SGSM2: variants seen among roughly 807,000 people sequenced by gnomAD.
SGSM2 encodes RUN and TBC1 domain containing 1.
In SGSM2, 89 loss-of-function variants were observed where a neutral mutation model predicts 126.6. The observed-to-expected ratio is 0.70, with a 90% CI of 0.59 to 0.84. The LOEUF is 0.84. Among genes scored for constraint, SGSM2 ranks in the 40% least tolerant of loss-of-function variants. The probability of loss-of-function intolerance (pLI) is 0.00; values close to 1 mark genes in which losing one functional copy is unlikely to be tolerated. For missense variants in SGSM2, 1,404 were observed against 1,416.6 expected, an observed-to-expected ratio of 0.99 and a Z score of 0.14; for synonymous variants, 614 against 574.3, an observed-to-expected ratio of 1.07 and a Z score of -0.99.
intron 1 of SGSM2, among the ~76,000 whole-genome samples, chr17:2,341,719 C>A (rs995131525): frequency 2.0e-5 from 3 of 152,226 alleles, no homozygotes; most frequent in African/African-American, 7.2e-5. Flanking sequence ...AGGACATCAA[C>A]AGAGTTTGGG....
chr17:2,361,738 T>C lies in SGSM2; in HGVS notation c.235T>C (p.Cys79Arg). The C allele has an allele frequency of 6.2e-7, 1 of 1,613,864 alleles. No individual in the cohort carries two copies. The highest frequency in any genetic ancestry group is 1.1e-5 in the South Asian group (1 of 91,086). Reference protein sequence around the residue: ...AALFTKVGKTCPVAGEICHKV... With the variant: ...AALFTKVGKTRPVAGEICHKV... Reference sequence around the variant, plus strand: ...CCTGTTCACCAAGGTGGGGAAGACGTGCCCAGTGGCGGGGGAGATTTGCCA... The same window carrying C: ...CCTGTTCACCAAGGTGGGGAAGACGCGCCCAGTGGCGGGGGAGATTTGCCA... The change falls in exon 3 of 24, where the codon TGC becomes CGC. Residue 79 changes from cysteine to arginine, a missense_variant. By Grantham distance (180) the Cys-to-Arg change is radical. Transcript: ENST00000268989.
chr17:2,375,424 C>G, intron 17 of SGSM2, 68 bp from the exon 18 acceptor site: 1 of 1,530,654 alleles, frequency 6.5e-7, no homozygotes, highest in East Asian at 2.3e-5. Context: ...CCCTTCTGGC[C>G]CGAGGAGGCG....
chr17:2,339,501 G>T lies in SGSM2; in HGVS notation c.57+1756G>T, dbSNP rs1597292982. On this transcript the variant is annotated intron_variant, in intron 1 of 23. Coordinates refer to ENST00000268989, the MANE Select transcript of SGSM2 (RefSeq NM_014853.3). ...GCACTTTGGGAGGCTGGGACGGGCG[G>T]ATCACGAGGTCAGGAGATCGAGACC... 2.6e-5 allele frequency among the ~76,000 whole-genome samples: 4 copies of T among 151,970 alleles called. No homozygotes were observed. The South Asian group carries it at 8.3e-4, about 32-fold the overall frequency.
At position 2,363,362 on chromosome 17, in the gene SGSM2, C is replaced by A. The variant is rs1477936503; in HGVS notation, c.673-103C>A. 1.3e-6 allele frequency: 2 copies of A among 1,552,376 alleles called. No homozygotes were observed. The highest frequency in any genetic ancestry group is 1.8e-5 in the Admixed American group (1 of 55,166). ...TGGGAGTAAACCGGGGCAGGAAGGACCCCTGGGGTCAGCTGGAGAGGGTCA... is the reference window on the plus strand; with the variant it reads ...TGGGAGTAAACCGGGGCAGGAAGGAACCCTGGGGTCAGCTGGAGAGGGTCA... On this transcript the variant is annotated intron_variant, in intron 6 of 23. Transcript: ENST00000268989. The surrounding 1 kb of genome is among the most constrained non-coding windows in gnomAD (Gnocchi z 4.2).
intron 2 of SGSM2, among the ~76,000 whole-genome samples, chr17:2,349,713 G>A (rs564754465): frequency 1.3e-5 from 2 of 152,172 alleles, no homozygotes; most frequent in East Asian, 3.9e-4. Context: ...TTGAAGCTGG[G>A]TAATGAGTAC....
chr17:2,353,406 TATTATA>T, intron 2 of SGSM2, among the ~76,000 whole-genome samples: 1 of 152,264 alleles, frequency 6.6e-6, no homozygotes, highest in South Asian at 2.1e-4. Flanking sequence ...CCCACTCAAT[TATTATA>T]ATTAATTTTG....
chr17:2,371,611 C>T (rs1313372262), intron 13 of SGSM2, 196 bp downstream of exon 13: 17 of 614,688 alleles, frequency 2.8e-5, no homozygotes, highest in Non-Finnish European at 4.3e-5. Flanking sequence ...GTTTCTGAAC[C>T]TCAGTTTCCT....
chr17:2,356,874 A>G (rs12950673), intron 2 of SGSM2, among the ~76,000 whole-genome samples: 6 of 45,574 alleles, frequency 1.3e-4, no homozygotes, highest in South Asian at 1.0e-3. Flanking sequence ...GGGTGTAAGG[A>G]TTGGGGAAGG....
At chr17:2,338,791 C>A (rs1462622249) in intron 1 of SGSM2, among the ~76,000 whole-genome samples, 2 of 75,360 alleles carry the variant, frequency 2.7e-5, no homozygotes, top group Non-Finnish European at 2.6e-5. Context: ...ATATATATAA[C>A]CTCACGCCTG....
At chr17:2,375,327 TG>T in intron 17 of SGSM2, 164 bp from the exon 18 acceptor site, 2 of 798,412 alleles carry the variant, frequency 2.5e-6, no homozygotes, top group Non-Finnish European at 3.8e-6. Context: ...CCTGGCTGGC[TG>T]GGTCAGAAGC....
At chr17:2,350,465 C>T (rs2064796959) in intron 2 of SGSM2, among the ~76,000 whole-genome samples, 1 of 151,540 alleles carries the variant, frequency 6.6e-6, no homozygotes, top group South Asian at 2.1e-4. Context: ...CAAAAATGTG[C>T]CGGGTGTGGT....
In SGSM2 at chr17:2,365,211, A is replaced by T; in HGVS notation, c.1162-4A>T. 1 of 1,608,562 alleles carries T rather than the reference A, an allele frequency of 6.2e-7. No individual in the cohort carries two copies. Among genetic ancestry groups the T allele is most frequent in the Non-Finnish European group, 8.5e-7 (1 of 1,176,368 alleles). ...AGCCCGACCACCTACCCCTCCTTCCACAGGGGAAAGTGTTCCCCAAGCTAC... is the reference window on the plus strand; with the variant it reads ...AGCCCGACCACCTACCCCTCCTTCCTCAGGGGAAAGTGTTCCCCAAGCTAC... On this transcript the variant is annotated splice_region_variant and splice_polypyrimidine_tract_variant and intron_variant, in intron 10 of 23. Transcript: ENST00000268989.
In SGSM2 at chr17:2,364,043, G is replaced by C. The variant is rs377014081; in HGVS notation, c.808-16G>C. Reference sequence around the variant, plus strand: ...TCAGCCCTTCATCGTCGGTCTTCCGGTGTCTCCCGCTGTAGAAGGAGGATA... The same window carrying C: ...TCAGCCCTTCATCGTCGGTCTTCCGCTGTCTCCCGCTGTAGAAGGAGGATA... On this transcript the variant is annotated splice_polypyrimidine_tract_variant and intron_variant, in intron 7 of 23. Transcript: ENST00000268989. 1 of 1,613,916 alleles carries C rather than the reference G, an allele frequency of 6.2e-7. No homozygotes were observed. The highest frequency in any genetic ancestry group is 8.5e-7 in the Non-Finnish European group (1 of 1,179,978).
rs549877392 is a variant in SGSM2 at position 2,372,529 on chromosome 17, G to A, written c.1788+41G>A. Reference sequence around the variant, plus strand: ...TTCCAGGGCCACAGGTCGAGGGGCTGGGGCGGGCAGGAGTGAGGGCTTCAG... The same window carrying A: ...TTCCAGGGCCACAGGTCGAGGGGCTAGGGCGGGCAGGAGTGAGGGCTTCAG... On this transcript the variant is annotated intron_variant, in intron 15 of 23. Transcript: ENST00000268989. The surrounding 1 kb of genome is among the most constrained non-coding windows in gnomAD (Gnocchi z 6.0). 1.5e-5 allele frequency: 23 copies of A among 1,585,720 alleles called. No homozygotes were observed. The African/African-American group carries it at 1.9e-4, about 13-fold the overall frequency.
intron 2 of SGSM2, among the ~76,000 whole-genome samples, chr17:2,354,227 T>TTTTTGTTTG (rs1269929223): frequency 6.6e-6 from 1 of 152,032 alleles, no homozygotes. Context: ...TTGTTTGTTT[T>TTTTTGTTTG]TTAGTAGAGA....
At position 2,362,289 on chromosome 17, in the gene SGSM2, A is replaced by G. The variant is rs754751465; in HGVS notation, c.458+19A>G. 2 of 1,590,988 alleles carry G rather than the reference A, an allele frequency of 1.3e-6. No individual in the cohort carries two copies. Among genetic ancestry groups the G allele is most frequent in the Non-Finnish European group, 1.7e-6 (2 of 1,169,192 alleles). On this transcript the variant is annotated intron_variant, in intron 4 of 23. Transcript: ENST00000268989. The surrounding 1 kb of genome is among the most constrained non-coding windows in gnomAD (Gnocchi z 4.9). The stretch of plus-strand genomic sequence containing the variant: ...ACTGCAGGTGACCGCCCCGTTCCCC[A>G]AAAACTGCAGGTGACCACCCCGTTC...
rs149091916 is a variant in SGSM2, at chr17:2,337,745, G to A, written c.57G>A (p.Glu19=). The change falls in exon 1 of 24, where the codon GAG becomes GAA. Residue 19 remains glutamate (E), a splice_region_variant and synonymous_variant. Transcript: ENST00000268989. The surrounding 1 kb of genome is among the most constrained non-coding windows in gnomAD (Gnocchi z 5.1). ...KEKLLWNVKK[E]VKQIMEEAVT... ...AACTGCTGTGGAACGTGAAGAAGGAGGTAAAGTCGAGTCAAGAACCCCGGG... is the reference window on the plus strand; with the variant it reads ...AACTGCTGTGGAACGTGAAGAAGGAAGTAAAGTCGAGTCAAGAACCCCGGG... 1.3e-6 allele frequency: 2 copies of A among 1,536,864 alleles called. No homozygotes were observed. Among genetic ancestry groups the A allele is most frequent in the Non-Finnish European group, 1.8e-6 (2 of 1,138,830 alleles).
Position 2,375,775 on chromosome 17 carries a change from A to G in SGSM2, c.2384A>G (p.His795Arg). 1 of 1,591,588 alleles carries G rather than the reference A, an allele frequency of 6.3e-7. No individual in the cohort carries two copies. The highest frequency in any genetic ancestry group is 8.6e-7 in the Non-Finnish European group (1 of 1,167,868). Residue 795 changes from histidine to arginine, a missense_variant, in exon 18 of 24, where the codon CAC becomes CGC. Transcript: ENST00000268989. ...EGSSGPGPAA[H>R]TLREPQDPSQ... ...TCCAGTGGGCCCGGCCCTGCAGCTC[A>G]CACTTTGAGGGAGCCCCAGGATCCC...
chr17:2,372,466 G>T lies in SGSM2; in HGVS notation c.1766G>T (p.Ser589Ile), dbSNP rs767403879. The part of the protein sequence containing the change: ...ASAGLTKDVW[S>I]KYQKDKKNYK... ...GCGGGCCTCACCAAGGACGTGTGGA[G>T]CAAGTATCAGAAGGACAAAAAGGTG... is the stretch of plus-strand genomic sequence containing the variant. Residue 589 changes from serine to isoleucine, a missense_variant, in exon 15 of 24, where the codon AGC becomes ATC. Coordinates refer to ENST00000268989, the MANE Select transcript of SGSM2 (RefSeq NM_014853.3). This position sits in a 1 kb window ranked among gnomAD's most constrained non-coding sequence, Gnocchi z 6.0. 1.2e-6 allele frequency: 2 copies of T among 1,601,212 alleles called. No individual in the cohort carries two copies. Among genetic ancestry groups the T allele is most frequent in the Admixed American group, 1.8e-5 (1 of 56,586 alleles).
Sources: allele counts gnomAD v4.1 joint callset (sites outside exome capture counted in the v4.1 genomes callset), GRCh38; gene constraint gnomAD v4.1.1; non-coding constraint Gnocchi (gnomAD v3.1); transcripts MANE v1.5; gene names NCBI Gene and HGNC (gene_info 2026-07-23, HGNC 2026-07-21).